CARD10: variants seen among roughly 807,000 people sequenced by gnomAD.
The protein encoded by CARD10 is caspase recruitment domain family member 10, also known as caspase recruitment domain-containing protein 10.
Under a neutral mutation model 114.6 loss-of-function variants are expected in CARD10, and 49 were observed. The ratio of observed to expected loss-of-function variants is 0.43; its 90% CI spans 0.34 to 0.54. The LOEUF (loss-of-function observed/expected upper bound fraction) is 0.54, where lower values mean the gene tolerates loss of function less well. Among genes scored for constraint, CARD10 ranks in the 20% least tolerant of loss-of-function variants. CARD10 has a pLI of 0.03. For missense variants in CARD10, 1,206 were observed against 1,397.2 expected (o/e 0.86, Z 2.18); for synonymous variants, 602 against 593.2 (o/e 1.01, Z -0.21).
intron 9 of CARD10, 27 bp downstream of exon 9, chr22:37,504,159 G>A (rs1301146331): frequency 4.1e-6 from 6 of 1,479,386 alleles, no homozygotes; most frequent in African/African-American, 1.4e-5. Context: ...CTCCCTGGGT[G>A]TCTACTGCTA....
intron 3 of CARD10, among the ~76,000 whole-genome samples, chr22:37,513,521 CT>C (rs1413957111): frequency 3.9e-5 from 6 of 152,146 alleles, no homozygotes; most frequent in Non-Finnish European, 8.8e-5. Context: ...TCCCCCTCCC[CT>C]GTCCCAGCAG....
intron 11 of CARD10, 88 bp downstream of exon 11, chr22:37,502,513 AG>A: frequency 7.0e-7 from 1 of 1,426,994 alleles, no homozygotes; most frequent in South Asian, 1.3e-5. Context: ...TGCATAAAAC[AG>A]GGGCGAGGCA....
intron 6 of CARD10, among the ~76,000 whole-genome samples, chr22:37,507,169 T>C (rs1156683520): frequency 1.3e-5 from 2 of 152,128 alleles, no homozygotes; most frequent in Non-Finnish European, 2.9e-5. Flanking sequence ...ACCAGCTACT[T>C]GGGAGGCTGA....
chr22:37,492,348 G>A lies in CARD10; in HGVS notation c.2751+87C>T, dbSNP rs917014210. The A allele has an allele frequency of 3.0e-5, 30 of 1,006,106 alleles. No homozygotes were observed. Among genetic ancestry groups the A allele is most frequent in the South Asian group, 1.0e-4 (6 of 60,228 alleles). 62.3% of individuals were successfully genotyped at this position (1,006,106 alleles called of 1,614,324 possible). The stretch of plus-strand genomic sequence containing the variant: ...CAGTGAGCAGCAGAGCATGGCCCGC[G>A]CTCAGACGCTGGCGCTCAAGCCCAG... On this transcript the variant is annotated intron_variant, in intron 18 of 19. Transcript: ENST00000251973. The surrounding 1 kb of genome is among the most constrained non-coding windows in gnomAD (Gnocchi z 5.7).
rs1923512345 is a variant in CARD10 at position 37,508,881 on chromosome 22, T to C, written c.910-199A>G. On this transcript the variant is annotated intron_variant, in intron 4 of 19. Coordinates refer to ENST00000251973, the MANE Select transcript of CARD10 (RefSeq NM_014550.4). ...GTGGCCCCACAAGCCCTACCCACCCTCCAGGGAGTATCTGGGGTACAAGTA... is the reference window on the plus strand; with the variant it reads ...GTGGCCCCACAAGCCCTACCCACCCCCCAGGGAGTATCTGGGGTACAAGTA... 3.2e-6 allele frequency: 4 copies of C among 1,268,950 alleles called. No individual in the cohort carries two copies. In the South Asian group the frequency reaches 5.7e-5, roughly 18 times the overall value. 78.6% of individuals were successfully genotyped at this position (1,268,950 alleles called of 1,614,324 possible). A position where few individuals can be genotyped will look rare whatever the true frequency, so the allele number is the denominator to read the frequency against.
In CARD10 at chr22:37,510,126, GCAGC is replaced by G. The variant is rs1923579793; in HGVS notation, c.909+82_909+85del. The G allele has an allele frequency of 3.8e-6, 3 of 783,010 alleles. No individual in the cohort carries two copies. In the South Asian group the frequency reaches 5.9e-5, roughly 15 times the overall value. The allele number at this position is 783,010 out of a possible 1,614,324, so 48.5% of individuals were successfully genotyped here. A position where few individuals can be genotyped will look rare whatever the true frequency, so the allele number is the denominator to read the frequency against. On this transcript the variant is annotated intron_variant, in intron 4 of 19. Transcript: ENST00000251973. ...GCAGGCCTTCCTGATCCCCCACCCC[GCAGC>G]CTGTGCCCACAAGCCCCAGTACCTG...
chr22:37,492,018 A>G lies in CARD10; in HGVS notation c.2752-151T>C, dbSNP rs1922820803. On this transcript the variant is annotated intron_variant, in intron 18 of 19. Transcript: ENST00000251973. This position sits in a 1 kb window ranked among gnomAD's most constrained non-coding sequence, Gnocchi z 5.7. Reference sequence around the variant, plus strand: ...GACCCTGGCAACGAGGAAGGAGCCCAAAAGTACAGACAAGAGGCCTGGGCT... The same window carrying G: ...GACCCTGGCAACGAGGAAGGAGCCCGAAAGTACAGACAAGAGGCCTGGGCT... 1.6e-6 allele frequency: 1 copy of G among 640,626 alleles called. No homozygotes were observed. The highest frequency in any genetic ancestry group is 2.3e-5 in the Admixed American group (1 of 43,502). The allele number at this position is 640,626 out of a possible 1,614,324, so 39.7% of individuals were successfully genotyped here.
At position 37,491,836 on chromosome 22, in the gene CARD10, C is replaced by T. The variant is rs1922813515; in HGVS notation, c.2783G>A (p.Gly928Asp). 1 of 1,590,590 alleles carries T rather than the reference C, an allele frequency of 6.3e-7. No individual in the cohort carries two copies. Among genetic ancestry groups the T allele is most frequent in the African/African-American group, 1.4e-5 (1 of 70,184 alleles). ...CTCGTTCTGCACCAGCTCCCGCACACCCCGAGCACCCAGCTCCAGCAGGCA... is the reference window on the plus strand; with the variant it reads ...CTCGTTCTGCACCAGCTCCCGCACATCCCGAGCACCCAGCTCCAGCAGGCA... ...KHCLLELGARGVRELVQNEIY... is the reference protein window; with the variant it reads ...KHCLLELGARDVRELVQNEIY... The change falls in exon 19 of 20, where the codon GGT (glycine) becomes GAT (aspartate). Residue 928 changes from glycine (G) to aspartate (D), a missense_variant. Around this residue, in one of 2 missense-constraint regions of CARD10, gnomAD observed 1,068 missense variants for 1,179.1 expected, o/e 0.91. Coordinates refer to ENST00000251973, the MANE Select transcript of CARD10 (RefSeq NM_014550.4).
At chr22:37,506,657 G>A (rs1923421105) in intron 6 of CARD10, among the ~76,000 whole-genome samples, 1 of 152,222 alleles carries the variant, frequency 6.6e-6, no homozygotes, top group African/African-American at 2.4e-5. Context: ...CAGTCCATCT[G>A]CAGAATCCAG....
At position 37,504,798 on chromosome 22, in the gene CARD10, T is replaced by A. The variant is rs536066444; in HGVS notation, c.1384-29A>T. The A allele has an allele frequency of 2.8e-6, 4 of 1,436,282 alleles. No homozygotes were observed. In the East Asian group the frequency reaches 1.0e-4, roughly 36 times the overall value. The allele number at this position is 1,436,282 out of a possible 1,614,324, so 89.0% of individuals were successfully genotyped here. ...GAAGAGGGAGAGGAGAGGAAGGAGG[T>A]GAGCAGTGCTAGGCCCACGTCAACC... On this transcript the variant is annotated intron_variant, in intron 7 of 19. Coordinates refer to ENST00000251973, the MANE Select transcript of CARD10 (RefSeq NM_014550.4).
Position 37,510,256 on chromosome 22 carries a change from G to A in CARD10, c.865C>T (p.Arg289Trp), listed in dbSNP as rs768052242. Residue 289 changes from arginine (R) to tryptophan (W), a missense_variant, in exon 4 of 20, where the codon CGG becomes TGG. Around this residue, in one of 2 missense-constraint regions of CARD10, gnomAD observed 1,068 missense variants for 1,179.1 expected, o/e 0.91. Transcript: ENST00000251973. ...LVSELRAENQ[R>W]LTASLRELQE... is the part of the protein sequence containing the mutation. ...AACTCCCGCAGTGACGCCGTCAGCC[G>A]CTGGTTCTCAGCACGCAGCTCAGAG... 5.0e-5 allele frequency: 80 copies of A among 1,603,248 alleles called. No individual in the cohort carries two copies. The highest frequency in any genetic ancestry group is 6.2e-5 in the Non-Finnish European group (73 of 1,179,848).
Position 37,494,078 on chromosome 22 carries a change from G to A in CARD10, c.2476+8C>T, listed in dbSNP as rs376661143. On this transcript the variant is annotated splice_region_variant and intron_variant, in intron 16 of 19. Coordinates refer to ENST00000251973, the MANE Select transcript of CARD10 (RefSeq NM_014550.4). ...ACACGGGATACAGCTTTGCCCCCGC[G>A]CACTCACCTGCACAGGGCTCCAGCA... The A allele has an allele frequency of 7.4e-5, 114 of 1,540,758 alleles. No individual in the cohort carries two copies. The highest frequency in any genetic ancestry group is 6.8e-4 in the South Asian group (57 of 84,000).
chr22:37,494,515 T>A (rs1922924089), intron 15 of CARD10: 1 of 381,740 alleles, frequency 2.6e-6, no homozygotes. Flanking sequence ...GAACCAAATG[T>A]CACATACGAG....
chr22:37,508,506 A>G, intron 5 of CARD10, 21 bp downstream of exon 5: 2 of 1,572,682 alleles, frequency 1.3e-6, no homozygotes, highest in Non-Finnish European at 8.6e-7. Context: ...CACAAGGGGC[A>G]GGGCACGGGC....
intron 2 of CARD10, 108 bp from the exon 3 acceptor site, chr22:37,516,406 C>T: frequency 1.3e-6 from 1 of 765,508 alleles, no homozygotes; most frequent in Non-Finnish European, 2.0e-6. Context: ...GAGGGAAATT[C>T]TGGAATATAT....
intron 4 of CARD10, chr22:37,509,121 GC>G (rs1384473225): frequency 2.7e-6 from 4 of 1,507,208 alleles, no homozygotes; most frequent in Non-Finnish European, 3.6e-6. Flanking sequence ...CCAAGATCTT[GC>G]CCCCAGACCC....
At position 37,496,931 on chromosome 22, in the gene CARD10, C is replaced by G; in HGVS notation, c.1947+88G>C. 5 of 1,418,456 alleles carry G rather than the reference C, an allele frequency of 3.5e-6. No individual in the cohort carries two copies. Among genetic ancestry groups the G allele is most frequent in the Non-Finnish European group, 4.8e-6 (5 of 1,048,970 alleles). The allele number at this position is 1,418,456 out of a possible 1,614,324, so 87.9% of individuals were successfully genotyped here. A position where few individuals can be genotyped will look rare whatever the true frequency, so the allele number is the denominator to read the frequency against. On this transcript the variant is annotated intron_variant, in intron 12 of 19. Transcript: ENST00000251973. This position sits in a 1 kb window ranked among gnomAD's most constrained non-coding sequence, Gnocchi z 4.1. ...TTGACCAATCCCCAGAAGCTCTGCC[C>G]GGTGATCTTGATCCACCAAATTAAG...
At chr22:37,514,648 A>G (rs931442433) in intron 3 of CARD10, 3 of 152,280 alleles carry the variant, frequency 2.0e-5, no homozygotes, top group African/African-American at 7.2e-5. Flanking sequence ...ACACCAGTGC[A>G]CCCACATCTA....
chr22:37,504,007 A>T (rs1923313922), intron 9 of CARD10, 179 bp downstream of exon 9: 2 of 714,998 alleles, frequency 2.8e-6, no homozygotes, highest in African/African-American at 3.5e-5. Context: ...CTTAAGCCTG[A>T]CCTTGGTCGC....
Sources: gnomAD v4.1 joint callset for allele counts (sites outside exome capture counted in the v4.1 genomes callset) on GRCh38, gnomAD v4.1.1 for gene constraint, gnomAD v4.1.1 regional missense constraint, Gnocchi (gnomAD v3.1) non-coding constraint, MANE v1.5 for transcripts, NCBI Gene and HGNC (gene_info 2026-07-23, HGNC 2026-07-21) for gene names.